Variants in PPFIA1 observed in about 807,000 individuals in gnomAD.
PPFIA1 encodes PPFI scaffold protein A1.
Under a neutral mutation model 149.9 loss-of-function variants are expected in PPFIA1, and 25 were observed. That is an observed-to-expected ratio of 0.17 (90% CI 0.12 to 0.23). The LOEUF is 0.23. Ranked by LOEUF, PPFIA1 falls within the 10% of genes least tolerant of loss-of-function variation. The pLI is 1.00. For missense variants in PPFIA1, 1,362 were observed against 1,506.5 expected (o/e 0.90, Z 1.59); for synonymous variants, 549 against 552.8 (o/e 0.99, Z 0.10).
intron 13 of PPFIA1, among the ~76,000 whole-genome samples, chr11:70,338,943 C>T (rs544855494): frequency 4.6e-5 from 7 of 152,334 alleles, no homozygotes; most frequent in African/African-American, 1.7e-4. Flanking sequence ...CCTTGGCTGT[C>T]TGCACAGCTT....
intron 21 of PPFIA1, chr11:70,367,676 A>T (rs944739834): frequency 8.8e-6 from 4 of 453,480 alleles, no homozygotes; most frequent in African/African-American, 8.0e-5. Flanking sequence ...AGTTCATGTT[A>T]TAGGCCACTT....
chr11:70,305,672 ATTTG>A (rs1238714607), intron 2 of PPFIA1, among the ~76,000 whole-genome samples: 1 of 152,070 alleles, frequency 6.6e-6, no homozygotes, highest in Non-Finnish European at 1.5e-5. Flanking sequence ...GGCTGGCCCC[ATTTG>A]TTTGTTCTAA....
chr11:70,376,914 A>C (rs2057514707), intron 25 of PPFIA1, among the ~76,000 whole-genome samples: 1 of 152,132 alleles, frequency 6.6e-6, no homozygotes, highest in South Asian at 2.1e-4. Context: ...TCTACTAAAA[A>C]ACACAAAAAT....
At chr11:70,297,953 G>T (rs2052195175) in intron 2 of PPFIA1, among the ~76,000 whole-genome samples, 1 of 152,186 alleles carries the variant, frequency 6.6e-6, no homozygotes, top group Non-Finnish European at 1.5e-5. Flanking sequence ...TAAAACCCTT[G>T]ACAGCTGTGC....
chr11:70,289,538 T>G (rs2051384240), intron 2 of PPFIA1, among the ~76,000 whole-genome samples: 1 of 152,238 alleles, frequency 6.6e-6, no homozygotes, highest in South Asian at 2.1e-4. Flanking sequence ...GCAATTCTTT[T>G]GGCTTTAGAA....
At chr11:70,276,271 T>C (rs2050376132) in intron 2 of PPFIA1, among the ~76,000 whole-genome samples, 1 of 138,190 alleles carries the variant, frequency 7.2e-6, no homozygotes, top group Admixed American at 7.3e-5. Context: ...TGCGCCTTGC[T>C]TTTTTTTTTT....
chr11:70,345,801 A>G (rs1332845050), intron 15 of PPFIA1: 1 of 211,984 alleles, frequency 4.7e-6, no homozygotes, highest in Non-Finnish European at 9.9e-6. Flanking sequence ...CCCTCCAGCC[A>G]GGATGACAGA....
Position 70,375,059 on chromosome 11 carries a change from C to A in PPFIA1, c.3281C>A (p.Ala1094Glu). 6.2e-7 allele frequency: 1 copy of A among 1,613,182 alleles called. No homozygotes were observed. Among genetic ancestry groups the A allele is most frequent in the Non-Finnish European group, 8.5e-7 (1 of 1,179,818 alleles). The change falls in exon 24 of 28, where the codon GCA becomes GAA. Residue 1094 changes from alanine to glutamate, a missense_variant. Physicochemically the swap from Ala to Glu is moderately radical, Grantham distance 107. Around this residue, in one of 7 missense-constraint regions of PPFIA1, gnomAD observed 349 missense variants for 373.3 expected, o/e 0.93. Coordinates refer to ENST00000253925, the MANE Select transcript of PPFIA1 (RefSeq NM_003626.5). ...GAAACCTTCGACTTCAGTGCACTGG[C>A]ACTGCTGTTACAGATCCCGACGCAG... ...LDETFDFSAL[A>E]LLLQIPTQNT...
chr11:70,273,084 C>T (rs945874720), intron 2 of PPFIA1, among the ~76,000 whole-genome samples: 4 of 152,158 alleles, frequency 2.6e-5, no homozygotes, highest in Admixed American at 6.5e-5. Context: ...TTGAGACCAG[C>T]CTGGCCAACA....
At chr11:70,378,227 G>C in intron 26 of PPFIA1, 32 bp downstream of exon 26, 2 of 1,595,146 alleles carry the variant, frequency 1.3e-6, no homozygotes, top group Non-Finnish European at 1.7e-6. Flanking sequence ...CCTGTCACTT[G>C]TTGGGAGCAT....
At chr11:70,290,401 C>T (rs1337937415) in intron 2 of PPFIA1, among the ~76,000 whole-genome samples, 5 of 152,172 alleles carry the variant, frequency 3.3e-5, no homozygotes, top group African/African-American at 1.2e-4. Flanking sequence ...CGGTTTTTGC[C>T]TGTTATCCTG....
At chr11:70,381,958 G>C in intron 26 of PPFIA1, 130 bp from the exon 27 acceptor site, 1 of 719,994 alleles carries the variant, frequency 1.4e-6, no homozygotes, top group Non-Finnish European at 2.3e-6. Context: ...CACTCAGGCA[G>C]CTCCCCTCAG....
chr11:70,347,315 G>A (rs1310420338), intron 15 of PPFIA1, among the ~76,000 whole-genome samples: 1 of 152,178 alleles, frequency 6.6e-6, no homozygotes, highest in Non-Finnish European at 1.5e-5. Flanking sequence ...GAATTTTTGT[G>A]TAAATAAGTA....
At position 70,326,702 on chromosome 11, in the gene PPFIA1, C is replaced by T. The variant is rs1380857828; in HGVS notation, c.814C>T (p.Arg272Cys). 1.2e-6 allele frequency: 2 copies of T among 1,613,954 alleles called. No homozygotes were observed. The highest frequency in any genetic ancestry group is 1.7e-5 in the Admixed American group (1 of 60,004). ...QSREQSQMKE[R>C]LASLSSHVTE... ...AAGGGAACAGAGCCAAATGAAAGAACGCCTGGCTTCCCTTTCCAGTCATGT... is the reference window on the plus strand; with the variant it reads ...AAGGGAACAGAGCCAAATGAAAGAATGCCTGGCTTCCCTTTCCAGTCATGT... Residue 272 changes from arginine (R) to cysteine (C), a missense_variant, in exon 7 of 28, where the codon CGC (arginine) becomes TGC (cysteine). Coordinates refer to ENST00000253925, the MANE Select transcript of PPFIA1 (RefSeq NM_003626.5).
chr11:70,363,301 C>T (rs1278725548), intron 21 of PPFIA1: 1 of 152,210 alleles, frequency 6.6e-6, no homozygotes. Context: ...CTCCTGGTGC[C>T]ATAGACTGCT....
intron 21 of PPFIA1, chr11:70,365,134 C>A: frequency 5.2e-6 from 1 of 193,678 alleles, no homozygotes; most frequent in Non-Finnish European, 1.1e-5. Flanking sequence ...TTTCACATAC[C>A]TCGGGTAAGC....
At chr11:70,295,327 G>C (rs1243580597) in intron 2 of PPFIA1, among the ~76,000 whole-genome samples, 1 of 139,228 alleles carries the variant, frequency 7.2e-6, no homozygotes, top group African/African-American at 2.6e-5. Context: ...GGCTGGGCGG[G>C]GGGCTGACCC....
chr11:70,281,780 G>A (rs1053863598), intron 2 of PPFIA1, among the ~76,000 whole-genome samples: 4 of 152,152 alleles, frequency 2.6e-5, no homozygotes, highest in African/African-American at 9.7e-5. Context: ...TCTTTGGTTT[G>A]GAATGTTGGT....
intron 2 of PPFIA1, among the ~76,000 whole-genome samples, chr11:70,316,827 G>T (rs1442943897): frequency 6.6e-6 from 1 of 152,218 alleles, no homozygotes; most frequent in Non-Finnish European, 1.5e-5. Context: ...CCTGATTGTG[G>T]CTTTTGAGTA....
Sources: gnomAD v4.1 joint callset for allele counts (sites outside exome capture counted in the v4.1 genomes callset) on GRCh38, gnomAD v4.1.1 for gene constraint, gnomAD v4.1.1 regional missense constraint, MANE v1.5 for transcripts, NCBI Gene and HGNC (gene_info 2026-07-23, HGNC 2026-07-21) for gene names.